The following RAB11FIP3 variants were observed in gnomAD, a reference collection of about 807,000 sequenced individuals.
The protein encoded by RAB11FIP3 is RAB11 family interacting protein 3.
RAB11FIP3 carries 17 observed loss-of-function variants against 77.8 expected under a neutral mutation model. The observed-to-expected ratio is 0.22, with a 90% confidence interval of 0.15 to 0.33. The LOEUF (loss-of-function observed/expected upper bound fraction) is 0.33, where lower values mean the gene tolerates loss of function less well. RAB11FIP3 is among the 10% of genes least tolerant of loss of function. The pLI, the probability that RAB11FIP3 is intolerant of heterozygous loss-of-function variation, is 1.00. For missense variants in RAB11FIP3, 1,005 were observed against 1,011.2 expected, an observed-to-expected ratio of 0.99 and a Z score of 0.08; for synonymous variants, 437 against 448.2, an observed-to-expected ratio of 0.98 and a Z score of 0.31.
At chr16:482,810 C>T (rs2056073500) in intron 4 of RAB11FIP3, 74 bp downstream of exon 4, 2 of 1,466,700 alleles carry the variant, frequency 1.4e-6, no homozygotes, top group African/African-American at 2.8e-5. Context: ...GATGGGCAGA[C>T]TGGGGTCTTG....
In RAB11FIP3 at chr16:479,995, A is replaced by G. The variant is rs563760156; in HGVS notation, c.904-2530A>G. Among the ~76,000 whole-genome samples the G allele has an allele frequency of 4.6e-5, 7 of 152,192 alleles. No homozygotes were observed. The South Asian group carries it at 1.5e-3, about 32-fold the overall frequency. ...TGTACCTATTTTTCATTTAAAAAAA[A>G]GTTGAATTCAGCCAGGCACGGTGGC... On this transcript the variant is annotated intron_variant, in intron 3 of 13. Coordinates refer to ENST00000262305, the MANE Select transcript of RAB11FIP3 (RefSeq NM_014700.4).
Position 426,822 on chromosome 16 carries a change from G to T in RAB11FIP3, c.714+102G>T. 1 of 960,486 alleles carries T rather than the reference G, an allele frequency of 1.0e-6. No homozygotes were observed. Among genetic ancestry groups the T allele is most frequent in the East Asian group, 2.9e-5 (1 of 34,612 alleles). 59.5% of individuals were successfully genotyped at this position (960,486 alleles called of 1,614,324 possible). Reference sequence around the variant, plus strand: ...GACGCTGCCCCTGGAGTCGGGAAAGGCACTGTCAAGACCTGACGGTCCTGC... The same window carrying T: ...GACGCTGCCCCTGGAGTCGGGAAAGTCACTGTCAAGACCTGACGGTCCTGC... On this transcript the variant is annotated intron_variant, in intron 1 of 13. Coordinates refer to ENST00000262305, the MANE Select transcript of RAB11FIP3 (RefSeq NM_014700.4). This position sits in a 1 kb window ranked among gnomAD's most constrained non-coding sequence, Gnocchi z 5.0.
chr16:439,055 C>T lies in RAB11FIP3; in HGVS notation c.714+12335C>T, dbSNP rs138594937. On this transcript the variant is annotated intron_variant, in intron 1 of 13. Transcript: ENST00000262305. ...TAGGAGTGCACTGGTGCCATCACAA[C>T]TCACTGCAGCCTTGAACTCCTGGGC... 5.4e-3 allele frequency among the ~76,000 whole-genome samples: 829 copies of T among 152,324 alleles called. 1 individual carries two copies. Among genetic ancestry groups the T allele is most frequent in the Non-Finnish European group, 8.7e-3 (590 of 68,026 alleles).
At chr16:469,081 A>ATTC (rs1211386308) in intron 2 of RAB11FIP3, among the ~76,000 whole-genome samples, 2 of 151,958 alleles carry the variant, frequency 1.3e-5, no homozygotes, top group South Asian at 4.1e-4. Flanking sequence ...TATTATTATT[A>ATTC]TTTTGAGACA....
In RAB11FIP3 at chr16:520,236, C is replaced by A; in HGVS notation, c.1975C>A (p.Arg659=). The A allele has an allele frequency of 6.5e-7, 1 of 1,546,240 alleles. No homozygotes were observed. The highest frequency in any genetic ancestry group is 1.7e-4 in the Middle Eastern group (1 of 5,738). The change falls in exon 12 of 14, where the codon CGG becomes AGG. Residue 659 remains arginine (R), a synonymous_variant. Transcript: ENST00000262305. ...MGLQEYHSRA[R]ESELEQEVRR... is the part of the protein sequence containing the mutation. ...CCTGCAGGAGTACCACAGCCGCGCCCGGGAGAGCGAGCTGGAGCAGGAGGT... is the reference window on the plus strand; with the variant it reads ...CCTGCAGGAGTACCACAGCCGCGCCAGGGAGAGCGAGCTGGAGCAGGAGGT...
intron 6 of RAB11FIP3, among the ~76,000 whole-genome samples, chr16:500,687 CAAA>C (rs56771770): frequency 2.7e-4 from 6 of 22,298 alleles, no homozygotes; most frequent in African/African-American, 1.0e-3. Context: ...GACTCTGTCG[CAAA>C]AAAAAAAAAA....
At chr16:428,658 G>A (rs1166217132) in intron 1 of RAB11FIP3, among the ~76,000 whole-genome samples, 1 of 152,108 alleles carries the variant, frequency 6.6e-6, no homozygotes, top group Non-Finnish European at 1.5e-5. Context: ...CACAGGAGTA[G>A]AACTAGGTCT....
rs927446218 is a variant in RAB11FIP3 at position 426,144 on chromosome 16, C to T, written c.138C>T (p.Gly46=). Residue 46 remains glycine (G), a synonymous_variant, in exon 1 of 14, where the codon GGC becomes GGT. Transcript: ENST00000262305. This position sits in a 1 kb window ranked among gnomAD's most constrained non-coding sequence, Gnocchi z 5.0. ...PAELRLGAPV[G]GPDPQSPGLD... ...AGCTACGCCTCGGAGCGCCCGTCGG[C>T]GGCCCCGACCCGCAGTCCCCGGGCC... The T allele has an allele frequency of 3.9e-6, 4 of 1,013,004 alleles. No homozygotes were observed. Among genetic ancestry groups the T allele is most frequent in the South Asian group, 4.5e-5 (1 of 22,408 alleles). 62.8% of individuals were successfully genotyped at this position (1,013,004 alleles called of 1,614,324 possible).
At chr16:488,239 G>A (rs1380179455) in intron 4 of RAB11FIP3, among the ~76,000 whole-genome samples, 1 of 152,106 alleles carries the variant, frequency 6.6e-6, no homozygotes, top group Non-Finnish European at 1.5e-5. Flanking sequence ...AATTAGCCGG[G>A]CGTGGTGGCG....
At chr16:446,195 G>A (rs1289639600) in intron 1 of RAB11FIP3, among the ~76,000 whole-genome samples, 1 of 152,178 alleles carries the variant, frequency 6.6e-6, no homozygotes, top group East Asian at 1.9e-4. Flanking sequence ...AGTGAGCCAT[G>A]ATCACTCCTG....
chr16:461,142 G>A lies in RAB11FIP3; in HGVS notation c.715-262G>A, dbSNP rs868726547. Among the ~76,000 whole-genome samples the A allele has an allele frequency of 1.3e-5, 2 of 152,168 alleles. No homozygotes were observed. The highest frequency in any genetic ancestry group is 6.5e-5 in the Admixed American group (1 of 15,272). On this transcript the variant is annotated intron_variant, in intron 1 of 13. Coordinates refer to ENST00000262305, the MANE Select transcript of RAB11FIP3 (RefSeq NM_014700.4). The surrounding 1 kb of genome is among the most constrained non-coding windows in gnomAD (Gnocchi z 4.5). ...CAGGATGATACTGTTCAGATCATCC[G>A]GCGTTAGAGTCTCATAAGGAGCGCG...
chr16:492,704 G>A (rs551994963), intron 5 of RAB11FIP3, among the ~76,000 whole-genome samples: 34 of 152,278 alleles, frequency 2.2e-4, no homozygotes, highest in Non-Finnish European at 3.7e-4. Context: ...CCCACTCACC[G>A]ATAAGTTGAG....
At position 497,507 on chromosome 16, in the gene RAB11FIP3, C is replaced by A; in HGVS notation, c.1301+648C>A. ...CTAGTCCCCGTCCTGCTTCGTGGCC[C>A]GGCATCTGGCAGGGCTGGGAGACGC... On this transcript the variant is annotated intron_variant, in intron 6 of 13. Coordinates refer to ENST00000262305, the MANE Select transcript of RAB11FIP3 (RefSeq NM_014700.4). 5.9e-6 allele frequency: 7 copies of A among 1,177,290 alleles called. No homozygotes were observed. The South Asian group carries it at 1.1e-4, about 19-fold the overall frequency. 72.9% of individuals were successfully genotyped at this position (1,177,290 alleles called of 1,614,324 possible).
Position 426,148 on chromosome 16 carries a change from C to G in RAB11FIP3, c.142C>G (p.Pro48Ala). The part of the protein sequence containing the change: ...ELRLGAPVGG[P>A]DPQSPGLDEP... ...ACGCCTCGGAGCGCCCGTCGGCGGC[C>G]CCGACCCGCAGTCCCCGGGCCTGGA... Residue 48 changes from proline (P) to alanine (A), a missense_variant, in exon 1 of 14, where the codon CCC (proline) becomes GCC (alanine). By Grantham distance (27) the Pro-to-Ala change is conservative (BLOSUM62 -1). Transcript: ENST00000262305. The surrounding 1 kb of genome is among the most constrained non-coding windows in gnomAD (Gnocchi z 5.0). 3.0e-6 allele frequency: 3 copies of G among 1,013,930 alleles called. No individual in the cohort carries two copies. The highest frequency in any genetic ancestry group is 2.4e-6 in the Non-Finnish European group (2 of 850,336). The allele number at this position is 1,013,930 out of a possible 1,614,324, so 62.8% of individuals were successfully genotyped here. A position where few individuals can be genotyped will look rare whatever the true frequency, so the allele number is the denominator to read the frequency against.
intron 2 of RAB11FIP3, among the ~76,000 whole-genome samples, chr16:466,465 G>A (rs1451271856): frequency 6.6e-6 from 1 of 152,116 alleles, no homozygotes; most frequent in Non-Finnish European, 1.5e-5. Flanking sequence ...GGAGGCCTTG[G>A]CTTGGAAGGT....
At chr16:485,018 C>T (rs1448142068) in intron 4 of RAB11FIP3, among the ~76,000 whole-genome samples, 1 of 152,040 alleles carries the variant, frequency 6.6e-6, no homozygotes, top group Non-Finnish European at 1.5e-5. Context: ...TTTTTACTTG[C>T]GCTTCCCGGG....
chr16:460,149 A>T (rs563240820), intron 1 of RAB11FIP3, among the ~76,000 whole-genome samples: 32 of 152,140 alleles, frequency 2.1e-4, no homozygotes, highest in Admixed American at 6.5e-4. Context: ...AGTGCTGGGG[A>T]TTACAGGTGT....
intron 4 of RAB11FIP3, 111 bp downstream of exon 4, chr16:482,847 TTATGTGGGGGTGGGG>T: frequency 8.4e-7 from 1 of 1,187,184 alleles, no homozygotes; most frequent in Non-Finnish European, 1.2e-6. Flanking sequence ...TTAGCATCCA[TTATGTGGGGGTGGGG>T]CTTGGCCCTG....
At chr16:446,318 T>G (rs2055316233) in intron 1 of RAB11FIP3, among the ~76,000 whole-genome samples, 1 of 152,166 alleles carries the variant, frequency 6.6e-6, no homozygotes, top group Admixed American at 6.6e-5. Flanking sequence ...ATTGGTTGTC[T>G]ATGTGAAGCA....
Sources: allele counts gnomAD v4.1 joint callset (sites outside exome capture counted in the v4.1 genomes callset), GRCh38; gene constraint gnomAD v4.1.1; non-coding constraint Gnocchi (gnomAD v3.1); transcripts MANE v1.5; gene names NCBI Gene and HGNC (gene_info 2026-07-23, HGNC 2026-07-21).